Variants in NCKAP5 observed in about 807,000 individuals in gnomAD.
NCKAP5 encodes NCK associated protein 5.
In NCKAP5, 92 loss-of-function variants were observed where a neutral mutation model predicts 167.0. The ratio of observed to expected loss-of-function variants is 0.55; its 90% CI spans 0.47 to 0.66. The LOEUF (loss-of-function observed/expected upper bound fraction) is 0.66, where lower values mean the gene tolerates loss of function less well. Among genes scored for constraint, NCKAP5 ranks in the 30% least tolerant of loss-of-function variants. NCKAP5 has a pLI of 0.00. For synonymous variants in NCKAP5, 891 were observed against 877.4 expected (o/e 1.02, Z -0.27); for missense variants, 2,378 against 2,315.0 (o/e 1.03, Z -0.56).
chr2:133,061,787 G>A (rs2080011973), intron 6 of NCKAP5, among the ~76,000 whole-genome samples: 1 of 152,098 alleles, frequency 6.6e-6, no homozygotes, highest in Non-Finnish European at 1.5e-5. Context: ...TTGGAGAACT[G>A]AGCCTTTGCC....
At chr2:133,321,362 G>T (rs1222780946) in intron 3 of NCKAP5, among the ~76,000 whole-genome samples, 1 of 152,104 alleles carries the variant, frequency 6.6e-6, no homozygotes, top group Non-Finnish European at 1.5e-5. Context: ...GGAGGTCCCA[G>T]GTTTTACCTA....
chr2:133,328,696 C>T (rs1000570673), intron 3 of NCKAP5, among the ~76,000 whole-genome samples: 2 of 152,064 alleles, frequency 1.3e-5, no homozygotes, highest in African/African-American at 4.8e-5. Flanking sequence ...AAGCACCTAA[C>T]CTATTCAGTG....
At chr2:132,745,983 T>C (rs995177758) in intron 16 of NCKAP5, among the ~76,000 whole-genome samples, 5 of 152,074 alleles carry the variant, frequency 3.3e-5, no homozygotes, top group African/African-American at 1.2e-4. Context: ...CTCAAAATTG[T>C]TCGGATATCA....
At chr2:133,538,935 T>TTG (rs1685985569) in intron 2 of NCKAP5, among the ~76,000 whole-genome samples, 1 of 72,014 alleles carries the variant, frequency 1.4e-5, no homozygotes, top group African/African-American at 4.2e-5. Flanking sequence ...TTTTGGGTTT[T>TTG]TTTTTTTTTT....
chr2:132,688,784 G>A (rs75687312), intron 19 of NCKAP5, among the ~76,000 whole-genome samples: 6,888 of 151,860 alleles, frequency 0.045, 474 homozygotes, highest in African/African-American at 0.15. Flanking sequence ...CCAGGAGTTC[G>A]AGATCACCCT....
intron 11 of NCKAP5, among the ~76,000 whole-genome samples, chr2:132,803,779 C>T (rs1245462246): frequency 1.3e-5 from 2 of 152,190 alleles, no homozygotes; most frequent in Admixed American, 6.5e-5. Context: ...GAAGCATCTA[C>T]TATGTGCAGA....
intron 4 of NCKAP5, among the ~76,000 whole-genome samples, chr2:133,243,107 TA>T (rs113296498): frequency 0.056 from 8,580 of 152,270 alleles, 740 homozygotes; most frequent in African/African-American, 0.19. Context: ...TACTTATATA[TA>T]TTTTTTAAAA....
chr2:133,634,211 G>A, the NCKAP5 span, among the ~76,000 whole-genome samples: 10 of 152,196 alleles, frequency 6.6e-5, no homozygotes, highest in East Asian at 1.2e-3. Context: ...AAAGAGTCCC[G>A]GGGCGCTAAC....
intron 5 of NCKAP5, among the ~76,000 whole-genome samples, chr2:133,161,502 GTCAA>G (rs941518184): frequency 1.1e-4 from 16 of 152,190 alleles, no homozygotes; most frequent in Non-Finnish European, 1.8e-4. Context: ...ACTTCAGTGT[GTCAA>G]TCACTTTGGC....
intron 8 of NCKAP5, among the ~76,000 whole-genome samples, chr2:132,928,093 A>C (rs911471187): frequency 1.3e-5 from 2 of 152,182 alleles, no homozygotes; most frequent in Non-Finnish European, 2.9e-5. Flanking sequence ...GAAATAGAAC[A>C]GGATAGTGTT....
At chr2:133,081,575 T>G (rs2080808345) in intron 6 of NCKAP5, among the ~76,000 whole-genome samples, 1 of 152,160 alleles carries the variant, frequency 6.6e-6, no homozygotes, top group Admixed American at 6.6e-5. Context: ...TCAAAATGTT[T>G]TTTAAAGCTT....
At chr2:133,169,890 G>GTGCTTACGTAA (rs1256578932) in intron 5 of NCKAP5, among the ~76,000 whole-genome samples, 1 of 152,144 alleles carries the variant, frequency 6.6e-6, no homozygotes. Context: ...GTAAGCATAA[G>GTGCTTACGTAA]GCATCCCTGT....
intron 3 of NCKAP5, among the ~76,000 whole-genome samples, chr2:133,516,020 G>A (rs544553965): frequency 8.5e-5 from 13 of 152,334 alleles, no homozygotes; most frequent in African/African-American, 2.9e-4. Context: ...ATCTGAGGCA[G>A]AAATCTATGG....
At chr2:133,593,860 G>A in the NCKAP5 span, among the ~76,000 whole-genome samples, 3 of 152,184 alleles carry the variant, frequency 2.0e-5, no homozygotes, top group Admixed American at 2.0e-4. Context: ...AGGGGATGCA[G>A]CCCTCACTTC....
At chr2:133,005,016 G>T (rs2077915601) in intron 6 of NCKAP5, among the ~76,000 whole-genome samples, 1 of 152,152 alleles carries the variant, frequency 6.6e-6, no homozygotes, top group South Asian at 2.1e-4. Context: ...TATCTCCCTT[G>T]TTCCCTGAAA....
rs1167592511 is a variant in NCKAP5, at chr2:133,344,511, C to A, written c.70-41401G>T. ...AGCACCGAGCACAGAGGAAGCACTG[C>A]ACTGCAGCAAAGGTACTCTCTGCAA... is the stretch of plus-strand genomic sequence containing the variant. On this transcript the variant is annotated intron_variant, in intron 3 of 19. Coordinates refer to ENST00000409261, the MANE Select transcript of NCKAP5 (RefSeq NM_207363.3). Among the ~76,000 whole-genome samples the A allele has an allele frequency of 2.0e-5, 3 of 151,850 alleles. No homozygotes were observed. The East Asian group carries it at 5.8e-4, about 29-fold the overall frequency.
chr2:132,858,827 A>T (rs1374492883), intron 11 of NCKAP5, among the ~76,000 whole-genome samples: 1 of 152,208 alleles, frequency 6.6e-6, no homozygotes. Flanking sequence ...GTGACAGCCA[A>T]TGAAAATGCT....
intron 3 of NCKAP5, among the ~76,000 whole-genome samples, chr2:133,438,154 A>G (rs1257682556): frequency 1.3e-5 from 2 of 152,196 alleles, no homozygotes; most frequent in Non-Finnish European, 2.9e-5. Context: ...CATTAGTGGA[A>G]AAGAAAATAC....
At chr2:133,490,906 G>A (rs1230337195) in intron 3 of NCKAP5, among the ~76,000 whole-genome samples, 1 of 152,222 alleles carries the variant, frequency 6.6e-6, no homozygotes, top group African/African-American at 2.4e-5. Context: ...TAAGTTTTAT[G>A]ATTTCTGTTA....
Sources: gnomAD v4.1 joint callset for allele counts (sites outside exome capture counted in the v4.1 genomes callset) on GRCh38, gnomAD v4.1.1 for gene constraint, MANE v1.5 for transcripts, NCBI Gene and HGNC (gene_info 2026-07-23, HGNC 2026-07-21) for gene names.